The following LZTFL1 variants were observed in gnomAD, a reference collection of about 807,000 sequenced individuals.
LZTFL1 encodes leucine zipper transcription factor like 1, also known as leucine zipper transcription factor-like protein 1.
In LZTFL1, 25 loss-of-function variants were observed where a neutral mutation model predicts 45.9. That is an observed-to-expected ratio of 0.54 (90% CI 0.40 to 0.76). The LOEUF is 0.76. Among genes scored for constraint, LZTFL1 ranks in the 30% least tolerant of loss-of-function variants. The probability of loss-of-function intolerance (pLI) is 0.00; values close to 1 mark genes in which losing one functional copy is unlikely to be tolerated. For synonymous variants in LZTFL1, 93 were observed against 117.4 expected, an observed-to-expected ratio of 0.79 and a Z score of 1.35; for missense variants, 277 against 331.1, an observed-to-expected ratio of 0.84 and a Z score of 1.27.
chr3:45,899,636 G>A (rs1702480102), intron 2 of LZTFL1, among the ~76,000 whole-genome samples: 1 of 152,162 alleles, frequency 6.6e-6, no homozygotes, highest in Non-Finnish European at 1.5e-5. Flanking sequence ...GGTAGTCCCT[G>A]GTGGAATTTG....
chr3:45,850,225 TCAAA>T (rs1701286126), intron 4 of LZTFL1, among the ~76,000 whole-genome samples: 1 of 152,244 alleles, frequency 6.6e-6, no homozygotes, highest in Admixed American at 6.5e-5. Context: ...TGTTTAATCC[TCAAA>T]CAGCCTCATG....
At chr3:45,898,162 T>C (rs1176426463) in intron 2 of LZTFL1, among the ~76,000 whole-genome samples, 2 of 152,194 alleles carry the variant, frequency 1.3e-5, no homozygotes, top group African/African-American at 4.8e-5. Context: ...TGCTGTGATG[T>C]CCACTGTGGG....
rs1350584265 is a variant in LZTFL1, at chr3:45,825,141, A to C, written c.*1173T>G. ...ATCAGTAAACTCGTTTCTTGGAATAAAATCTTCATTTGTGGAAATGGAATG... is the reference window on the plus strand; with the variant it reads ...ATCAGTAAACTCGTTTCTTGGAATACAATCTTCATTTGTGGAAATGGAATG... On this transcript the variant is annotated 3_prime_UTR_variant, in exon 10 of 10. Coordinates refer to ENST00000296135, the MANE Select transcript of LZTFL1 (RefSeq NM_020347.4). The C allele has an allele frequency of 2.8e-6, 1 of 360,932 alleles. No individual in the cohort carries two copies. Among genetic ancestry groups the C allele is most frequent in the Non-Finnish European group, 4.9e-6 (1 of 203,028 alleles). The allele number at this position is 360,932 out of a possible 1,614,324, so 22.4% of individuals were successfully genotyped here. A position where few individuals can be genotyped will look rare whatever the true frequency, so the allele number is the denominator to read the frequency against.
intron 2 of LZTFL1, among the ~76,000 whole-genome samples, chr3:45,879,180 C>CT (rs1701806361): frequency 6.6e-6 from 1 of 152,134 alleles, no homozygotes; most frequent in Admixed American, 6.5e-5. Context: ...TGAGCTGAAA[C>CT]TTATGGCCAC....
At position 45,824,173 on chromosome 3, in the gene LZTFL1, G is replaced by A. The variant is rs1296363930; in HGVS notation, c.*2141C>T. 1 of 152,082 alleles carries A rather than the reference G, an allele frequency of 6.6e-6. No individual in the cohort carries two copies. Among genetic ancestry groups the A allele is most frequent in the Admixed American group, 6.5e-5 (1 of 15,280 alleles). The allele number at this position is 152,082 out of a possible 1,614,324, so 9.4% of individuals were successfully genotyped here. On this transcript the variant is annotated 3_prime_UTR_variant, in exon 10 of 10. Coordinates refer to ENST00000296135, the MANE Select transcript of LZTFL1 (RefSeq NM_020347.4). ...AAGCTGCATTGTGATGGCCATCAAT[G>A]TACAGACTGCCTGTCTGGCTTAGCA...
chr3:45,842,848 A>T (rs1394820618), upstream of LZTFL1, among the ~76,000 whole-genome samples: 1 of 152,186 alleles, frequency 6.6e-6, no homozygotes, highest in Non-Finnish European at 1.5e-5. Flanking sequence ...ATGTTCCAGG[A>T]GTGATCACAG....
intron 4 of LZTFL1, among the ~76,000 whole-genome samples, chr3:45,851,072 C>A (rs932951922): frequency 6.6e-6 from 1 of 152,136 alleles, no homozygotes; most frequent in Non-Finnish European, 1.5e-5. Flanking sequence ...GTCTGCTCCC[C>A]ACACCCCATC....
upstream of LZTFL1, among the ~76,000 whole-genome samples, chr3:45,843,061 C>T (rs534958747): frequency 1.2e-4 from 19 of 152,328 alleles, no homozygotes; most frequent in Non-Finnish European, 2.5e-4. Flanking sequence ...TTCCAATGCA[C>T]GGAATGATGG....
At chr3:45,845,654 A>G (rs1029330401), upstream of LZTFL1, among the ~76,000 whole-genome samples, 5 of 152,226 alleles carry the variant, frequency 3.3e-5, no homozygotes, top group Non-Finnish European at 5.9e-5. Flanking sequence ...CTTATTCAGA[A>G]ATGTGGGTCT....
intron 2 of LZTFL1, among the ~76,000 whole-genome samples, chr3:45,886,193 G>A (rs1701975744): frequency 6.6e-6 from 1 of 152,110 alleles, no homozygotes; most frequent in Non-Finnish European, 1.5e-5. Flanking sequence ...GCCTGCTCAG[G>A]TGACACCACC....
intron 2 of LZTFL1, among the ~76,000 whole-genome samples, chr3:45,889,305 A>T (rs75171531): frequency 0.012 from 1,503 of 121,408 alleles, 27 homozygotes; most frequent in African/African-American, 0.038. Flanking sequence ...TATTACCTTT[A>T]AAAAAAAAAA....
chr3:45,826,445 G>A, intron 9 of LZTFL1, 113 bp from the exon 10 acceptor site: 2 of 866,426 alleles, frequency 2.3e-6, no homozygotes, highest in South Asian at 1.5e-5. Context: ...TACTGTTACG[G>A]TAGAAGTTGG....
chr3:45,827,269 T>C, intron 9 of LZTFL1, 87 bp downstream of exon 9: 1 of 1,014,894 alleles, frequency 9.9e-7, no homozygotes, highest in East Asian at 2.4e-5. Flanking sequence ...ACCACCGGCT[T>C]GACCTCTCTG....
intron 2 of LZTFL1, among the ~76,000 whole-genome samples, chr3:45,912,327 A>G (rs535975455): frequency 3.9e-5 from 6 of 152,240 alleles, no homozygotes; most frequent in Non-Finnish European, 8.8e-5. Flanking sequence ...TATTACAAAA[A>G]TGGTCCCAAT....
intron 2 of LZTFL1, among the ~76,000 whole-genome samples, chr3:45,867,573 G>A (rs989988726): frequency 6.6e-6 from 1 of 152,190 alleles, no homozygotes; most frequent in South Asian, 2.1e-4. Context: ...GCTGGGCACC[G>A]TGGCTCATGC....
Position 45,826,263 on chromosome 3 carries a change from G to A in LZTFL1, c.*51C>T, listed in dbSNP as rs78059915. On this transcript the variant is annotated 3_prime_UTR_variant, in exon 10 of 10. Coordinates refer to ENST00000296135, the MANE Select transcript of LZTFL1 (RefSeq NM_020347.4). ...GCTTTTCAAAATACATGCCTGAGGTGAGACTGCTTGTATGTTTGCATGTGG... is the reference window on the plus strand; with the variant it reads ...GCTTTTCAAAATACATGCCTGAGGTAAGACTGCTTGTATGTTTGCATGTGG... 736 of 1,559,902 alleles carry A rather than the reference G, an allele frequency of 4.7e-4. 3 individuals are homozygous for A. In the African/African-American group the frequency reaches 6.9e-3, roughly 15 times the overall value.
chr3:45,891,149 C>T (rs1702168003), intron 2 of LZTFL1, among the ~76,000 whole-genome samples: 1 of 152,236 alleles, frequency 6.6e-6, no homozygotes, highest in African/African-American at 2.4e-5. Flanking sequence ...TCCTGGCCCC[C>T]AGAGGGCTGC....
intron 2 of LZTFL1, among the ~76,000 whole-genome samples, chr3:45,865,080 C>T (rs2191032): frequency 0.82 from 125,481 of 152,150 alleles, 51,966 homozygotes; most frequent in East Asian, 0.99. Flanking sequence ...TTCCACTGAC[C>T]GTTCTATCAC....
intron 1 of LZTFL1, among the ~76,000 whole-genome samples, chr3:45,914,160 T>C (rs1702852101): frequency 6.6e-6 from 1 of 152,128 alleles, no homozygotes; most frequent in Admixed American, 6.5e-5. Context: ...TTCCTCAAAT[T>C]CTAATCAAAA....
Sources: gnomAD v4.1 joint callset for allele counts (sites outside exome capture counted in the v4.1 genomes callset) on GRCh38, gnomAD v4.1.1 for gene constraint, MANE v1.5 for transcripts, NCBI Gene and HGNC (gene_info 2026-07-23, HGNC 2026-07-21) for gene names.